The following GLIS3 variants were observed in gnomAD, a reference collection of about 807,000 sequenced individuals.
GLIS3 encodes the protein zinc finger protein GLIS3.
A neutral mutation model predicts 78.6 loss-of-function variants in GLIS3; 53 were observed. That is an observed-to-expected ratio of 0.67 (90% CI 0.54 to 0.85). The LOEUF (loss-of-function observed/expected upper bound fraction) is 0.85. Among genes scored for constraint, GLIS3 ranks in the 40% least tolerant of loss-of-function variants. GLIS3 has a pLI of 0.00. For missense variants in GLIS3, 1,703 were observed against 1,231.1 expected (o/e 1.38, Z -5.74); for synonymous variants, 684 against 509.9 (o/e 1.34, Z -4.60).
At chr9:3,929,205 C>G (rs1301719266) in intron 6 of GLIS3, among the ~76,000 whole-genome samples, 1 of 152,196 alleles carries the variant, frequency 6.6e-6, no homozygotes, top group Non-Finnish European at 1.5e-5. Flanking sequence ...GACTCGAGAT[C>G]TGCAAAGCAC....
At chr9:4,044,898 A>G (rs1825123271) in intron 4 of GLIS3, among the ~76,000 whole-genome samples, 1 of 152,220 alleles carries the variant, frequency 6.6e-6, no homozygotes. Flanking sequence ...GAAACAGACT[A>G]CAGAATGCAG....
chr9:4,010,766 C>T (rs1000366764), intron 4 of GLIS3, among the ~76,000 whole-genome samples: 2 of 152,156 alleles, frequency 1.3e-5, no homozygotes, highest in Admixed American at 6.5e-5. Flanking sequence ...TTCTGTAAGG[C>T]ATAATTTTAC....
At chr9:4,388,659 G>C in the GLIS3 span, among the ~76,000 whole-genome samples, 1 of 152,084 alleles carries the variant, frequency 6.6e-6, no homozygotes, top group Admixed American at 6.6e-5. Flanking sequence ...TTGGGTGACA[G>C]AGCGAGACTC....
chr9:4,058,873 T>C (rs1409585876), intron 4 of GLIS3, among the ~76,000 whole-genome samples: 2 of 151,112 alleles, frequency 1.3e-5, no homozygotes, highest in Non-Finnish European at 2.9e-5. Flanking sequence ...TCCCAGCTAC[T>C]GAGGAGGCTG....
intron 9 of GLIS3, 57 bp from the exon 10 acceptor site, chr9:3,829,549 C>A: frequency 6.3e-7 from 1 of 1,583,382 alleles, no homozygotes; most frequent in South Asian, 1.1e-5. Context: ...TTCCACAGAT[C>A]ATTCCAACCC....
chr9:3,937,093 C>T lies in GLIS3; in HGVS notation c.1807G>A (p.Gly603Ser), dbSNP rs532915437. The T allele has an allele frequency of 1.9e-6, 3 of 1,613,916 alleles. No individual in the cohort carries two copies. The highest frequency in any genetic ancestry group is 3.3e-5 in the Admixed American group (2 of 60,018). The change falls in exon 5 of 11, where the codon GGT becomes AGT. Residue 603 changes from glycine (G) to serine (S), a missense_variant. Physicochemically the swap from Gly to Ser is moderately conservative, Grantham distance 56 (BLOSUM62 0). Coordinates refer to ENST00000381971, the MANE Select transcript of GLIS3 (RefSeq NM_001042413.2). ...GEKPYLCQHP[G>S]CQKAFSNSSD... is the part of the protein sequence containing the mutation. Reference sequence around the variant, plus strand: ...GAGTTACTGAAGGCCTTCTGACAACCCGGATGCTGGCACAAATACGGCTTC... The same window carrying T: ...GAGTTACTGAAGGCCTTCTGACAACTCGGATGCTGGCACAAATACGGCTTC...
At chr9:4,151,866 T>C (rs1834707522) in intron 2 of GLIS3, among the ~76,000 whole-genome samples, 1 of 152,212 alleles carries the variant, frequency 6.6e-6, no homozygotes, top group South Asian at 2.1e-4. Context: ...GGCGACAGAA[T>C]GAAGGGCATT....
the GLIS3 span, among the ~76,000 whole-genome samples, chr9:4,383,519 A>C: frequency 6.6e-6 from 1 of 152,224 alleles, no homozygotes; most frequent in South Asian, 2.1e-4. Flanking sequence ...TCTAATTACT[A>C]ACAAATTAAG....
At chr9:4,262,735 T>A (rs1381767733) in intron 2 of GLIS3, among the ~76,000 whole-genome samples, 1 of 152,142 alleles carries the variant, frequency 6.6e-6, no homozygotes, top group Non-Finnish European at 1.5e-5. Flanking sequence ...TAGATGGGAT[T>A]CTGCCACCCC....
At position 3,836,599 on chromosome 9, in the gene GLIS3, ATACTTCTCAT is replaced by A. The variant is rs145185280; in HGVS notation, c.2474-7117_2474-7108del. 1.9e-3 allele frequency among the ~76,000 whole-genome samples: 282 copies of A among 152,300 alleles called. 3 individuals are homozygous for A. Among genetic ancestry groups the A allele is most frequent in the African/African-American group, 6.5e-3 (269 of 41,566 alleles). On this transcript the variant is annotated intron_variant, in intron 9 of 10. Coordinates refer to ENST00000381971, the MANE Select transcript of GLIS3 (RefSeq NM_001042413.2). ...GGGGCCCTTGGCCTACCACCTTTGAATACTTCTCATAAACCAAGTCCAGGGAAAGAAAAGA... is the reference window on the plus strand; with the variant it reads ...GGGGCCCTTGGCCTACCACCTTTGAAAAACCAAGTCCAGGGAAAGAAAAGA...
chr9:4,289,901 T>C (rs559713078), intron 1 of GLIS3, among the ~76,000 whole-genome samples: 1 of 152,170 alleles, frequency 6.6e-6, no homozygotes, highest in Non-Finnish European at 1.5e-5. Context: ...TACTTAACCC[T>C]AAGGAAACTA....
intron 4 of GLIS3, among the ~76,000 whole-genome samples, chr9:3,965,152 T>G (rs1384789492): frequency 6.6e-6 from 1 of 151,698 alleles, no homozygotes; most frequent in African/African-American, 2.4e-5. Context: ...CAATAGGAGT[T>G]TCCTTTACCC....
chr9:4,425,908 A>C, the GLIS3 span, among the ~76,000 whole-genome samples: 2 of 152,316 alleles, frequency 1.3e-5, no homozygotes, highest in South Asian at 4.1e-4. Flanking sequence ...CCAGTTCCTC[A>C]GTCCCAGGAA....
intron 4 of GLIS3, among the ~76,000 whole-genome samples, chr9:3,953,795 C>CTCTCTCTCTCTATATATA (rs1403671770): frequency 2.3e-4 from 17 of 73,332 alleles, no homozygotes; most frequent in African/African-American, 8.0e-4. Context: ...CTCTCTCTCT[C>CTCTCTCTCTCTATATATA]TATATATATA....
chr9:4,368,338 G>GTT, the GLIS3 span, among the ~76,000 whole-genome samples: 78 of 135,166 alleles, frequency 5.8e-4, no homozygotes, highest in African/African-American at 1.6e-3. Context: ...CAAGAACCCT[G>GTT]TTTTTTTTTT....
chr9:4,227,237 C>T (rs1274275520), intron 2 of GLIS3, among the ~76,000 whole-genome samples: 1 of 151,302 alleles, frequency 6.6e-6, no homozygotes, highest in Non-Finnish European at 1.5e-5. Flanking sequence ...GGTTATTTTA[C>T]CCCGTCCTAG....
At chr9:4,428,099 A>T in the GLIS3 span, among the ~76,000 whole-genome samples, 5 of 152,162 alleles carry the variant, frequency 3.3e-5, no homozygotes, top group African/African-American at 4.8e-5. Flanking sequence ...AGCTGATAAC[A>T]GGAGGAGGCC....
intron 4 of GLIS3, among the ~76,000 whole-genome samples, chr9:3,972,554 G>C (rs1818456224): frequency 6.6e-6 from 1 of 152,028 alleles, no homozygotes; most frequent in Admixed American, 6.6e-5. Flanking sequence ...GTTTCAAAAA[G>C]GGTTTTTTTT....
intron 4 of GLIS3, among the ~76,000 whole-genome samples, chr9:3,994,157 C>G (rs1045745605): frequency 4.6e-5 from 7 of 152,196 alleles, no homozygotes; most frequent in Non-Finnish European, 1.0e-4. Context: ...GCTTTATACT[C>G]TGGTTTCTCT....
Sources: gnomAD v4.1 joint callset for allele counts (sites outside exome capture counted in the v4.1 genomes callset) on GRCh38, gnomAD v4.1.1 for gene constraint, MANE v1.5 for transcripts, NCBI Gene and HGNC (gene_info 2026-07-23, HGNC 2026-07-21) for gene names.